Variants in COBLL1 observed in about 807,000 individuals in gnomAD.
The protein encoded by COBLL1 is cordon-bleu protein-like 1.
Under a neutral mutation model 94.8 loss-of-function variants are expected in COBLL1, and 50 were observed. The observed-to-expected ratio is 0.53, with a 90% confidence interval of 0.42 to 0.67. The LOEUF is 0.67. COBLL1 is among the 30% of genes least tolerant of loss of function. COBLL1 has a pLI of 0.00. For synonymous variants in COBLL1, 448 were observed against 473.8 expected (o/e 0.95, Z 0.71); for missense variants, 1,362 against 1,348.7 (o/e 1.01, Z -0.15).
intron 1 of COBLL1, among the ~76,000 whole-genome samples, chr2:164,666,451 G>A (rs898643235): frequency 1.3e-5 from 2 of 152,188 alleles, no homozygotes; most frequent in Non-Finnish European, 2.9e-5. Flanking sequence ...GTTGATGGCT[G>A]CTGATAAATC....
chr2:164,726,563 G>A (rs1485563571), intron 5 of COBLL1, among the ~76,000 whole-genome samples: 1 of 151,928 alleles, frequency 6.6e-6, no homozygotes, highest in African/African-American at 2.4e-5. Context: ...AACCACTATT[G>A]AAATTTTTTA....
chr2:164,738,278 T>C (rs1558968654), intron 3 of COBLL1: 1 of 152,170 alleles, frequency 6.6e-6, no homozygotes, highest in Non-Finnish European at 1.5e-5. Context: ...CATTTTGCTT[T>C]AAAAGTTTAG....
At chr2:164,673,088 G>A (rs1373085184) in intron 1 of COBLL1, among the ~76,000 whole-genome samples, 1 of 152,128 alleles carries the variant, frequency 6.6e-6, no homozygotes, top group Non-Finnish European at 1.5e-5. Context: ...AAAAGCAATT[G>A]TCTTTATAAG....
intron 3 of COBLL1, among the ~76,000 whole-genome samples, chr2:164,734,112 C>T (rs561447731): frequency 1.3e-5 from 2 of 151,812 alleles, no homozygotes; most frequent in South Asian, 4.1e-4. Context: ...CCAACCTATT[C>T]TGATCATACT....
intron 1 of COBLL1, among the ~76,000 whole-genome samples, chr2:164,671,738 T>TC (rs1398989607): frequency 1.9e-4 from 29 of 152,300 alleles, no homozygotes; most frequent in Non-Finnish European, 1.5e-5. Flanking sequence ...TTTTTTTTTT[T>TC]TCCAAGAGGC....
At chr2:164,754,580 T>G (rs1351070032) in intron 2 of COBLL1, among the ~76,000 whole-genome samples, 1 of 152,106 alleles carries the variant, frequency 6.6e-6, no homozygotes, top group East Asian at 1.9e-4. Context: ...GTCTCATCAC[T>G]CAACCAGCAA....
At chr2:164,743,964 G>C in intron 2 of COBLL1, 89 bp from the exon 3 acceptor site, 1 of 949,616 alleles carries the variant, frequency 1.1e-6, no homozygotes. Context: ...ATATGATCTA[G>C]TAGTGGTTTT....
At chr2:164,754,560 C>T (rs1273538185) in intron 2 of COBLL1, among the ~76,000 whole-genome samples, 1 of 152,156 alleles carries the variant, frequency 6.6e-6, no homozygotes, top group Non-Finnish European at 1.5e-5. Context: ...CAGCCTACAC[C>T]TTGACTGCAG....
intron 7 of COBLL1, chr2:164,705,326 G>A: frequency 2.8e-6 from 1 of 359,326 alleles, no homozygotes; most frequent in Non-Finnish European, 4.9e-6. Context: ...ACTTGGGCTA[G>A]AATGGGAAAC....
chr2:164,728,206 CAT>C lies in COBLL1; in HGVS notation c.433-11_433-10del. On this transcript the variant is annotated splice_polypyrimidine_tract_variant and intron_variant, in intron 4 of 13. Transcript: ENST00000652658. ...ACTACTCTCACAGTTTTCTGAAACA[CAT>C]ATTAAAGCCATAGTTGTACCATAAT... The C allele has an allele frequency of 6.5e-7, 1 of 1,543,554 alleles. No individual in the cohort carries two copies. The highest frequency in any genetic ancestry group is 9.0e-7 in the Non-Finnish European group (1 of 1,116,390).
chr2:164,688,102 C>T (rs1321562562), intron 13 of COBLL1, among the ~76,000 whole-genome samples: 1 of 152,026 alleles, frequency 6.6e-6, no homozygotes, highest in Non-Finnish European at 1.5e-5. Flanking sequence ...TTCAAAGAGA[C>T]ATTTGTTTAT....
At chr2:164,676,928 T>A (rs983080620), downstream of COBLL1, among the ~76,000 whole-genome samples, 1 of 152,168 alleles carries the variant, frequency 6.6e-6, no homozygotes, top group Non-Finnish European at 1.5e-5. Context: ...TCAACCAATT[T>A]ATATAATAAA....
chr2:164,778,846 C>T (rs1688598655), intron 2 of COBLL1, among the ~76,000 whole-genome samples: 3 of 152,036 alleles, frequency 2.0e-5, no homozygotes, highest in African/African-American at 4.8e-5. Context: ...GTTTAGGAGA[C>T]ATTTAAGTGA....
At chr2:164,841,956 C>A (rs1380071197), upstream of COBLL1, 1 of 1,537,624 alleles carries the variant, frequency 6.5e-7, no homozygotes. This position sits in a 1 kb window ranked among gnomAD's most constrained non-coding sequence, Gnocchi z 5.5. Context: ...CTCTCACTCA[C>A]CCTGCCCCAT....
chr2:164,660,907 T>C (rs1691059666), intron 2 of COBLL1, among the ~76,000 whole-genome samples: 1 of 152,194 alleles, frequency 6.6e-6, no homozygotes, highest in African/African-American at 2.4e-5. Flanking sequence ...AATGGGACTC[T>C]CATTTCCTGG....
chr2:164,701,971 T>C (rs1038290900), intron 9 of COBLL1, among the ~76,000 whole-genome samples: 1 of 152,096 alleles, frequency 6.6e-6, no homozygotes, highest in Admixed American at 6.5e-5. Context: ...TAATTTAAAT[T>C]TTTAACATAA....
intron 2 of COBLL1, among the ~76,000 whole-genome samples, chr2:164,754,836 C>T (rs539219245): frequency 1.3e-5 from 2 of 152,276 alleles, no homozygotes; most frequent in East Asian, 3.9e-4. Flanking sequence ...ATCTATCACA[C>T]CCATCTCTGT....
chr2:164,708,662 GATTTT>G (rs1458006725), intron 7 of COBLL1, among the ~76,000 whole-genome samples: 3 of 152,156 alleles, frequency 2.0e-5, no homozygotes, highest in Admixed American at 6.5e-5. Context: ...TAGAAGATGT[GATTTT>G]ATTTCTCGGA....
intron 2 of COBLL1, among the ~76,000 whole-genome samples, chr2:164,764,993 T>C (rs1458124878): frequency 6.6e-6 from 1 of 152,016 alleles, no homozygotes; most frequent in Non-Finnish European, 1.5e-5. Context: ...GATAATAAAA[T>C]ACAGAAGGAA....
Sources: gnomAD v4.1 joint callset for allele counts (sites outside exome capture counted in the v4.1 genomes callset) on GRCh38, gnomAD v4.1.1 for gene constraint, Gnocchi (gnomAD v3.1) non-coding constraint, MANE v1.5 for transcripts, NCBI Gene and HGNC (gene_info 2026-07-23, HGNC 2026-07-21) for gene names.